LEKR1: variants seen among roughly 807,000 people sequenced by gnomAD.
LEKR1 encodes the protein protein LEKR1.
LEKR1 carries 59 observed loss-of-function variants against 72.4 expected under a neutral mutation model. That is an observed-to-expected ratio of 0.82 (90% CI 0.66 to 1.01). The LOEUF (loss-of-function observed/expected upper bound fraction) is 1.01, where lower values mean the gene tolerates loss of function less well. LEKR1 is among the 50% of genes least tolerant of loss of function. The probability of loss-of-function intolerance (pLI) is 0.00; values close to 1 mark genes in which losing one functional copy is unlikely to be tolerated. For synonymous variants in LEKR1, 257 were observed against 263.2 expected (o/e 0.98, Z 0.23); for missense variants, 728 against 759.2 (o/e 0.96, Z 0.48).
intron 5 of LEKR1, among the ~76,000 whole-genome samples, chr3:156,931,626 G>A (rs1725233632): frequency 6.6e-6 from 1 of 152,090 alleles, no homozygotes; most frequent in African/African-American, 2.4e-5. Flanking sequence ...AGTAGAATGG[G>A]TTCTCTAAAA....
At chr3:156,899,343 C>CACACATGTAT (rs1199679142) in intron 3 of LEKR1, among the ~76,000 whole-genome samples, 10 of 119,724 alleles carry the variant, frequency 8.4e-5, no homozygotes, top group African/African-American at 3.1e-4. Flanking sequence ...CATATATACA[C>CACACATGTAT]ATATATACAT....
intron 3 of LEKR1, among the ~76,000 whole-genome samples, chr3:156,908,429 C>G (rs1722746965): frequency 1.3e-5 from 2 of 152,170 alleles, no homozygotes; most frequent in South Asian, 4.1e-4. Context: ...TCTTTTATTA[C>G]TCAATTGTTC....
At chr3:156,900,967 T>A (rs562154609) in intron 3 of LEKR1, among the ~76,000 whole-genome samples, 4 of 152,280 alleles carry the variant, frequency 2.6e-5, no homozygotes, top group Admixed American at 2.0e-4. Flanking sequence ...ACACCTTTTT[T>A]TGGTTATTTT....
intron 6 of LEKR1, 174 bp downstream of exon 6, chr3:156,942,888 GTCA>G: frequency 3.3e-6 from 1 of 299,530 alleles, no homozygotes; most frequent in South Asian, 2.8e-5. Flanking sequence ...AATACTTGCT[GTCA>G]TCATTTCCAG....
chr3:156,920,329 T>C (rs1201034653), intron 3 of LEKR1, among the ~76,000 whole-genome samples: 1 of 152,168 alleles, frequency 6.6e-6, no homozygotes, highest in African/African-American at 2.4e-5. Context: ...AGAATATAGA[T>C]AAAAAGTTCT....
chr3:157,042,188 A>G (rs1735397783), intron 12 of LEKR1, among the ~76,000 whole-genome samples: 1 of 152,230 alleles, frequency 6.6e-6, no homozygotes, highest in Non-Finnish European at 1.5e-5. Flanking sequence ...TTTGGCACAG[A>G]AAAGAATAGA....
Position 156,999,704 on chromosome 3 carries a change from C to T in LEKR1, c.1109+6427C>T, listed in dbSNP as rs147340956. ...CTGTGTCCATAGGTCTTCCCTCAGA[C>T]GGAGGGAGCGCTTTTTCTAATTCAC... On this transcript the variant is annotated intron_variant, in intron 9 of 12. Transcript: ENST00000356539. Among the ~76,000 whole-genome samples the T allele has an allele frequency of 5.7e-3, 875 of 152,208 alleles. 4 individuals carry two copies. Among genetic ancestry groups the T allele is most frequent in the African/African-American group, 0.02 (812 of 41,508 alleles).
intron 6 of LEKR1, among the ~76,000 whole-genome samples, chr3:156,976,997 C>A (rs1729750611): frequency 1.3e-5 from 2 of 152,214 alleles, no homozygotes; most frequent in Admixed American, 6.5e-5. Context: ...GCCAGTGGAC[C>A]TCACAGTAAA....
intron 6 of LEKR1, among the ~76,000 whole-genome samples, chr3:156,973,058 T>G (rs1039242032): frequency 7.9e-5 from 12 of 152,128 alleles, no homozygotes; most frequent in African/African-American, 2.4e-4. Context: ...ACATACCAGA[T>G]AATATCAATG....
At chr3:156,924,465 T>G (rs1214686312) in intron 4 of LEKR1, 1 of 643,216 alleles carries the variant, frequency 1.6e-6, no homozygotes, top group Non-Finnish European at 2.8e-6. Context: ...TTTGTTATTT[T>G]TAATGAAATA....
chr3:156,919,753 A>C (rs113323447), intron 3 of LEKR1, among the ~76,000 whole-genome samples: 1 of 152,204 alleles, frequency 6.6e-6, no homozygotes, highest in South Asian at 2.1e-4. Context: ...TATTAGATCA[A>C]GTTTATAATG....
intron 3 of LEKR1, among the ~76,000 whole-genome samples, chr3:156,915,647 A>C (rs891872945): frequency 6.6e-6 from 1 of 151,620 alleles, no homozygotes; most frequent in South Asian, 2.1e-4. Context: ...TTCCTTATAC[A>C]TGCTGCATAT....
intron 9 of LEKR1, 40 bp from the exon 10 acceptor site, chr3:157,011,373 G>C (rs1229936612): frequency 7.7e-7 from 1 of 1,306,874 alleles, no homozygotes; most frequent in African/African-American, 1.5e-5. Flanking sequence ...ATTGTGTTAG[G>C]GGTAAGTATT....
chr3:156,892,008 A>G (rs1264692606), intron 3 of LEKR1, among the ~76,000 whole-genome samples: 1 of 152,102 alleles, frequency 6.6e-6, no homozygotes, highest in Non-Finnish European at 1.5e-5. Flanking sequence ...ACCAAGTTAT[A>G]AGCCTACTAT....
chr3:156,960,253 CT>C (rs1438929433), intron 6 of LEKR1, among the ~76,000 whole-genome samples: 1 of 152,076 alleles, frequency 6.6e-6, no homozygotes, highest in Non-Finnish European at 1.5e-5. Context: ...AAAGTTTCAG[CT>C]TTGATTCAAG....
intron 12 of LEKR1, among the ~76,000 whole-genome samples, chr3:157,036,554 C>CT (rs1470709641): frequency 1.3e-5 from 2 of 152,064 alleles, no homozygotes; most frequent in African/African-American, 4.8e-5. Flanking sequence ...CCCTGGCAGC[C>CT]TTTTTCAGAA....
chr3:156,866,796 A>G (rs1717359701), intron 3 of LEKR1, among the ~76,000 whole-genome samples: 1 of 151,966 alleles, frequency 6.6e-6, no homozygotes, highest in Admixed American at 6.6e-5. Flanking sequence ...GACAGCAACC[A>G]GTAGATTATA....
chr3:156,841,772 TTGTC>T (rs1183987513), intron 2 of LEKR1, among the ~76,000 whole-genome samples: 2 of 152,330 alleles, frequency 1.3e-5, no homozygotes, highest in African/African-American at 4.8e-5. Context: ...TTTATCTAGA[TTGTC>T]TGTAATTTCA....
chr3:156,849,747 A>T (rs1049502520), intron 2 of LEKR1, among the ~76,000 whole-genome samples: 1 of 152,220 alleles, frequency 6.6e-6, no homozygotes, highest in African/African-American at 2.4e-5. Context: ...CACCTTATAC[A>T]AAAATTAATT....
Sources: gnomAD v4.1 joint callset for allele counts (sites outside exome capture counted in the v4.1 genomes callset) on GRCh38, gnomAD v4.1.1 for gene constraint, MANE v1.5 for transcripts, NCBI Gene and HGNC (gene_info 2026-07-23, HGNC 2026-07-21) for gene names.